Variants in ARSB observed in about 807,000 individuals in gnomAD.
ARSB encodes N-acetylgalactosamine-4-sulfatase.
ARSB carries 41 observed loss-of-function variants against 50.9 expected under a neutral mutation model. The ratio of observed to expected loss-of-function variants is 0.81; its 90% CI spans 0.63 to 1.04. The LOEUF (loss-of-function observed/expected upper bound fraction) is 1.04. Among genes scored for constraint, ARSB ranks in the 50% least tolerant of loss-of-function variants. ARSB has a pLI of 0.00. For synonymous variants in ARSB, 269 were observed against 284.8 expected (o/e 0.94, Z 0.56); for missense variants, 672 against 693.3 (o/e 0.97, Z 0.35).
intron 5 of ARSB, among the ~76,000 whole-genome samples, chr5:78,852,004 C>T (rs1234833211): frequency 6.6e-6 from 1 of 152,126 alleles, no homozygotes; most frequent in African/African-American, 2.4e-5. Flanking sequence ...TGGGTCTTGA[C>T]TCTTTATCCA....
chr5:78,890,171 C>T (rs764383207), intron 4 of ARSB, among the ~76,000 whole-genome samples: 3 of 151,746 alleles, frequency 2.0e-5, no homozygotes, highest in Admixed American at 6.6e-5. Flanking sequence ...TCGGTAAATT[C>T]AATCTTCTCC....
intron 5 of ARSB, among the ~76,000 whole-genome samples, chr5:78,853,878 A>G (rs1397586200): frequency 6.6e-6 from 1 of 152,204 alleles, no homozygotes; most frequent in African/African-American, 2.4e-5. Context: ...GCGGGATATA[A>G]TCTCCTAGTG....
chr5:78,873,535 G>A (rs1435367822), intron 5 of ARSB, among the ~76,000 whole-genome samples: 6 of 105,730 alleles, frequency 5.7e-5, no homozygotes, highest in Admixed American at 1.4e-4. Flanking sequence ...TCGCTCTGTC[G>A]CCCAGGCTGG....
chr5:78,837,718 A>C (rs1207644850), intron 6 of ARSB, among the ~76,000 whole-genome samples: 2 of 152,200 alleles, frequency 1.3e-5, no homozygotes, highest in Non-Finnish European at 2.9e-5. Flanking sequence ...AGGTGTACTA[A>C]GTCTTGAAAA....
chr5:78,897,776 T>A (rs1215507978), intron 4 of ARSB, among the ~76,000 whole-genome samples: 1 of 151,872 alleles, frequency 6.6e-6, no homozygotes, highest in Non-Finnish European at 1.5e-5. Context: ...CTAAAATATA[T>A]TCTATAAATA....
chr5:78,964,597 A>T lies in ARSB; in HGVS notation c.509T>A (p.Leu170Gln), dbSNP rs1484763838. The change falls in exon 3 of 8, where the codon CTG (leucine) becomes CAG (glutamine). Residue 170 changes from leucine (L) to glutamine (Q), a missense_variant. Leu to Gln is a moderately radical substitution (Grantham distance 113, BLOSUM62 -2). Transcript: ENST00000264914. ...RGFDTYFGYL[L>Q]GSEDYYSHER... ...ATGGGAATAATAATCTTCACTACCC[A>T]GGAGATATCCTGCAAGAATGGAAGA... 3 of 1,613,320 alleles carry T rather than the reference A, an allele frequency of 1.9e-6. No individual in the cohort carries two copies. Among genetic ancestry groups the T allele is most frequent in the Non-Finnish European group, 2.5e-6 (3 of 1,179,890 alleles).
rs200552028 is a variant in ARSB, at chr5:78,820,948, AC to A, written c.1213+18407del. 3.3e-5 allele frequency among the ~76,000 whole-genome samples: 5 copies of A among 150,892 alleles called. No individual in the cohort carries two copies. The Admixed American group carries it at 3.3e-4, about 10-fold the overall frequency. On this transcript the variant is annotated intron_variant, in intron 6 of 7. Transcript: ENST00000264914. ...GAAAAAAGTATGTGGCAAAAAAAAA[AC>A]CCCACAACATTTTATATGATATTAT...
rs183651028 is a variant in ARSB, at chr5:78,780,665, A to T, written c.1337-3T>A. On this transcript the variant is annotated splice_polypyrimidine_tract_variant and splice_region_variant and intron_variant, in intron 7 of 7. Coordinates refer to ENST00000264914, the MANE Select transcript of ARSB (RefSeq NM_000046.5). ...TGGAGGGAACCAGTAACCACAGCCT[A>T]GCAAAGAAAACAAAACAGTTTACTG... is the stretch of plus-strand genomic sequence containing the variant. 6.9e-4 allele frequency: 1,121 copies of T among 1,614,084 alleles called. 3 individuals carry two copies. Among genetic ancestry groups the T allele is most frequent in the Middle Eastern group, 8.3e-4 (5 of 6,060 alleles).
chr5:78,898,038 T>A (rs1022071807), intron 4 of ARSB, among the ~76,000 whole-genome samples: 3 of 151,882 alleles, frequency 2.0e-5, no homozygotes, highest in African/African-American at 7.3e-5. Context: ...GAGGCTGAGG[T>A]GGATGGATCA....
At chr5:78,861,364 T>A (rs906906900) in intron 5 of ARSB, among the ~76,000 whole-genome samples, 3 of 152,122 alleles carry the variant, frequency 2.0e-5, no homozygotes, top group African/African-American at 7.2e-5. Flanking sequence ...AAATCCTCAA[T>A]AAAATACTGG....
intron 4 of ARSB, among the ~76,000 whole-genome samples, chr5:78,892,169 A>G (rs1354844133): frequency 6.6e-6 from 1 of 152,012 alleles, no homozygotes; most frequent in Non-Finnish European, 1.5e-5. Context: ...TAAGTATCAT[A>G]GCCACACTCC....
At chr5:78,920,043 A>G (rs1206900942) in intron 4 of ARSB, among the ~76,000 whole-genome samples, 1 of 88,564 alleles carries the variant, frequency 1.1e-5, no homozygotes, top group African/African-American at 3.3e-5. Flanking sequence ...ATTTTCAGGG[A>G]AAAAAAGGCC....
At chr5:78,913,362 G>A (rs1749395510) in intron 4 of ARSB, among the ~76,000 whole-genome samples, 1 of 151,932 alleles carries the variant, frequency 6.6e-6, no homozygotes, top group Admixed American at 6.6e-5. Context: ...CTGACCTCGT[G>A]ATCCGCCCGC....
Position 78,985,241 on chromosome 5 carries a change from G to A in ARSB, c.8C>T (p.Pro3Leu), listed in dbSNP as rs1279033104. The A allele has an allele frequency of 2.3e-6, 3 of 1,319,890 alleles. No individual in the cohort carries two copies. The highest frequency in any genetic ancestry group is 4.2e-5 in the South Asian group (2 of 47,110). 81.8% of individuals were successfully genotyped at this position (1,319,890 alleles called of 1,614,324 possible). MGPRGAASLPRGP... is the reference protein window; with the variant it reads MGLRGAASLPRGP... Reference sequence around the variant, plus strand: ...TCGGGGCAAGCTCGCCGCGCCGCGCGGACCCATCCTTGTCCGCCCGCGGTC... The same window carrying A: ...TCGGGGCAAGCTCGCCGCGCCGCGCAGACCCATCCTTGTCCGCCCGCGGTC... The change falls in exon 1 of 8, where the codon CCG becomes CTG. Residue 3 changes from proline (P) to leucine (L), a missense_variant. By Grantham distance (98) the Pro-to-Leu change is moderately conservative. Transcript: ENST00000264914.
At chr5:78,878,359 C>A (rs1455015490) in intron 5 of ARSB, among the ~76,000 whole-genome samples, 1 of 151,984 alleles carries the variant, frequency 6.6e-6, no homozygotes, top group African/African-American at 2.4e-5. Flanking sequence ...TAAATATACT[C>A]GAAAAAGACA....
intron 6 of ARSB, among the ~76,000 whole-genome samples, chr5:78,791,523 C>A (rs945441281): frequency 6.6e-6 from 1 of 152,210 alleles, no homozygotes; most frequent in Non-Finnish European, 1.5e-5. Context: ...ACCCAGAGCC[C>A]GTGAGTCCCC....
rs925063028 is a variant in ARSB, at chr5:78,779,153, A to G, written c.*1244T>C. On this transcript the variant is annotated 3_prime_UTR_variant, in exon 8 of 8. Coordinates refer to ENST00000264914, the MANE Select transcript of ARSB (RefSeq NM_000046.5). ...TTTTGCACACATTTCTCTGGGTTTG[A>G]CACTCTCTGGAGCTAATATGGACTG... 7 of 152,172 alleles carry G rather than the reference A, an allele frequency of 4.6e-5. No homozygotes were observed. The highest frequency in any genetic ancestry group is 4.6e-4 in the Admixed American group (7 of 15,274). The allele number at this position is 152,172 out of a possible 1,614,324, so 9.4% of individuals were successfully genotyped here.
At chr5:78,814,318 T>A (rs1743915304) in intron 6 of ARSB, among the ~76,000 whole-genome samples, 1 of 150,946 alleles carries the variant, frequency 6.6e-6, no homozygotes, top group African/African-American at 2.5e-5. Flanking sequence ...TAGTGATTAA[T>A]CTCTTTTTAC....
intron 4 of ARSB, 74 bp downstream of exon 4, chr5:78,955,221 T>G: frequency 6.8e-7 from 1 of 1,475,298 alleles, no homozygotes; most frequent in South Asian, 1.2e-5. Context: ...CCGCTCCAAT[T>G]TGTCTTCATT....
Sources: gnomAD v4.1 joint callset for allele counts (sites outside exome capture counted in the v4.1 genomes callset) on GRCh38, gnomAD v4.1.1 for gene constraint, MANE v1.5 for transcripts, NCBI Gene and HGNC (gene_info 2026-07-23, HGNC 2026-07-21) for gene names.